Variants in PDGFB observed in about 807,000 individuals in gnomAD.
PDGFB encodes platelet derived growth factor subunit B.
Under a neutral mutation model 29.0 loss-of-function variants are expected in PDGFB, and 6 were observed. That is an observed-to-expected ratio of 0.21 (90% CI 0.11 to 0.41). The LOEUF is 0.41. PDGFB is among the 10% of genes least tolerant of loss of function. The probability of loss-of-function intolerance (pLI) is 1.00; values close to 1 mark genes in which losing one functional copy is unlikely to be tolerated. For synonymous variants in PDGFB, 144 were observed against 140.8 expected (o/e 1.02, Z -0.16); for missense variants, 299 against 341.8 (o/e 0.87, Z 0.99).
chr22:39,231,837 G>GA lies in PDGFB; in HGVS notation c.251-11dup. 6.2e-7 allele frequency: 1 copy of GA among 1,610,550 alleles called. No homozygotes were observed. The highest frequency in any genetic ancestry group is 8.5e-7 in the Non-Finnish European group (1 of 1,179,212). On this transcript the variant is annotated splice_polypyrimidine_tract_variant and intron_variant, in intron 3 of 6. Transcript: ENST00000331163. This position sits in a 1 kb window ranked among gnomAD's most constrained non-coding sequence, Gnocchi z 4.3. Reference sequence around the variant, plus strand: ...GCAATGGTCAGGGAACCTGGGAGGAGACGAAACCTGGGTCAGGAGCGTAGG... The same window carrying GA: ...GCAATGGTCAGGGAACCTGGGAGGAGAACGAAACCTGGGTCAGGAGCGTAGG...
At chr22:39,236,042 G>A (rs1932435562) in intron 1 of PDGFB, among the ~76,000 whole-genome samples, 168 bp from the exon 2 acceptor site, 1 of 152,204 alleles carries the variant, frequency 6.6e-6, no homozygotes. Flanking sequence ...AAAGGCCTCG[G>A]GGCCTGGACC....
chr22:39,225,556 C>A, intron 6 of PDGFB, 139 bp downstream of exon 6: 1 of 804,780 alleles, frequency 1.2e-6, no homozygotes, highest in Non-Finnish European at 1.9e-6. Flanking sequence ...CACCCTGCCC[C>A]AGCTGATAAC....
At position 39,225,637 on chromosome 22, in the gene PDGFB, A is replaced by G; in HGVS notation, c.*28+58T>C. ...AATCCTTTCCCCTGACCCCATCCAC[A>G]GACCACAGAGAAGAAAACACAGGAT... On this transcript the variant is annotated intron_variant, in intron 6 of 6. Transcript: ENST00000331163. 8 of 1,489,914 alleles carry G rather than the reference A, an allele frequency of 5.4e-6. No individual in the cohort carries two copies. In the South Asian group the frequency reaches 8.4e-5, roughly 16 times the overall value. The allele number at this position is 1,489,914 out of a possible 1,614,324, so 92.3% of individuals were successfully genotyped here. A position where few individuals can be genotyped will look rare whatever the true frequency, so the allele number is the denominator to read the frequency against.
In PDGFB at chr22:39,242,693, G is replaced by A. The variant is rs1932596419; in HGVS notation, c.63+1208C>T. Reference sequence around the variant, plus strand: ...TGCGCTGGCGGCAGCCCAAGGCCGGGCCGCGGCCTCCGAGCCCTCCGCCTT... The same window carrying A: ...TGCGCTGGCGGCAGCCCAAGGCCGGACCGCGGCCTCCGAGCCCTCCGCCTT... On this transcript the variant is annotated intron_variant, in intron 1 of 6. Transcript: ENST00000331163. The surrounding 1 kb of genome is among the most constrained non-coding windows in gnomAD (Gnocchi z 5.7). Among the ~76,000 whole-genome samples, 3 of 152,018 alleles carry A rather than the reference G, an allele frequency of 2.0e-5. No individual in the cohort carries two copies. Among genetic ancestry groups the A allele is most frequent in the South Asian group, 4.1e-4 (2 of 4,834 alleles).
Position 39,244,835 on chromosome 22 carries a change from G to A in PDGFB, c.-872C>T, listed in dbSNP as rs1932657051. 1 of 189,688 alleles carries A rather than the reference G, an allele frequency of 5.3e-6. No individual in the cohort carries two copies. Among genetic ancestry groups the A allele is most frequent in the African/African-American group, 2.4e-5 (1 of 41,744 alleles). 11.8% of individuals were successfully genotyped at this position (189,688 alleles called of 1,614,324 possible). On this transcript the variant is annotated 5_prime_UTR_variant, in exon 1 of 7. Coordinates refer to ENST00000331163, the MANE Select transcript of PDGFB (RefSeq NM_002608.4). This position sits in a 1 kb window ranked among gnomAD's most constrained non-coding sequence, Gnocchi z 4.5. ...TTTTTTTTCCTTTTTGCGCGCGTAT[G>A]TATGTGTGTGCGCGCAAAGTATCTC...
Position 39,244,631 on chromosome 22 carries a change from C to T in PDGFB, c.-668G>A. ...CTGCTCCGCGCGCGCGGCGTGCCCG[C>T]TGCGCGCTCGGCTGGGCCCGGCCGA... is the stretch of plus-strand genomic sequence containing the variant. On this transcript the variant is annotated 5_prime_UTR_variant, in exon 1 of 7. Transcript: ENST00000331163. This position sits in a 1 kb window ranked among gnomAD's most constrained non-coding sequence, Gnocchi z 4.5. 2 of 155,594 alleles carry T rather than the reference C, an allele frequency of 1.3e-5. No individual in the cohort carries two copies. The highest frequency in any genetic ancestry group is 2.8e-5 in the Non-Finnish European group (2 of 70,960). 9.6% of individuals were successfully genotyped at this position (155,594 alleles called of 1,614,324 possible).
chr22:39,228,384 T>G (rs1932216059), intron 5 of PDGFB, among the ~76,000 whole-genome samples: 1 of 149,136 alleles, frequency 6.7e-6, no homozygotes, highest in Non-Finnish European at 1.5e-5. Flanking sequence ...AACCCAGGAG[T>G]TAGAGACCAG....
intron 1 of PDGFB, among the ~76,000 whole-genome samples, chr22:39,239,369 C>A (rs1192658154): frequency 6.6e-6 from 1 of 151,982 alleles, no homozygotes; most frequent in Non-Finnish European, 1.5e-5. Flanking sequence ...AGAGCCTGGG[C>A]CGTGTGGGCT....
intron 1 of PDGFB, chr22:39,240,939 A>G: frequency 9.1e-7 from 1 of 1,102,202 alleles, no homozygotes; most frequent in Non-Finnish European, 1.3e-6. Context: ...ACACACACAC[A>G]CACTCTCTCT....
intron 4 of PDGFB, among the ~76,000 whole-genome samples, chr22:39,230,891 G>A (rs999045218): frequency 2.0e-5 from 3 of 152,234 alleles, no homozygotes; most frequent in Admixed American, 6.5e-5. Context: ...GGCCTGGGGC[G>A]TGCAGGAATC....
chr22:39,244,095 T>C lies in PDGFB; in HGVS notation c.-132A>G, dbSNP rs192942415. The C allele has an allele frequency of 2.7e-3, 1,104 of 416,062 alleles. 16 individuals are homozygous for C. The highest frequency in any genetic ancestry group is 0.021 in the African/African-American group (1,008 of 47,896). 25.8% of individuals were successfully genotyped at this position (416,062 alleles called of 1,614,324 possible). On this transcript the variant is annotated 5_prime_UTR_variant, in exon 1 of 7. Coordinates refer to ENST00000331163, the MANE Select transcript of PDGFB (RefSeq NM_002608.4). This position sits in a 1 kb window ranked among gnomAD's most constrained non-coding sequence, Gnocchi z 4.5. Reference sequence around the variant, plus strand: ...CGCGGCGATCAGGCGCTCAGGCCTCTGCAGCCGCGGCTCACCCGCATGGCC... The same window carrying C: ...CGCGGCGATCAGGCGCTCAGGCCTCCGCAGCCGCGGCTCACCCGCATGGCC...
chr22:39,243,801 C>T lies in PDGFB; in HGVS notation c.63+100G>A. The T allele has an allele frequency of 1.1e-6, 1 of 946,400 alleles. No homozygotes were observed. Among genetic ancestry groups the T allele is most frequent in the East Asian group, 3.0e-5 (1 of 32,792 alleles). The allele number at this position is 946,400 out of a possible 1,614,324, so 58.6% of individuals were successfully genotyped here. On this transcript the variant is annotated intron_variant, in intron 1 of 6. Transcript: ENST00000331163. The surrounding 1 kb of genome is among the most constrained non-coding windows in gnomAD (Gnocchi z 6.4). ...CGCCCGGCGTCAGGCTCGCGGGCTG[C>T]AAGGGTCCAAAGTTCACTGCAGGGA...
In PDGFB at chr22:39,243,926, C is replaced by T. The variant is rs1273654381; in HGVS notation, c.38G>A (p.Cys13Tyr). ...RCWALFLSLCCYLRLVSAEGD... is the reference protein window; with the variant it reads ...RCWALFLSLCYYLRLVSAEGD... ...CTCGGCGCTGACCAGACGCAGGTAG[C>T]AGCAGAGAGACAGGAAGAGCGCCCA... is the stretch of plus-strand genomic sequence containing the variant. The change falls in exon 1 of 7, where the codon TGC (cysteine) becomes TAC (tyrosine). Residue 13 changes from cysteine to tyrosine, a missense_variant. Physicochemically the swap from Cys to Tyr is radical, Grantham distance 194 (BLOSUM62 -2). Coordinates refer to ENST00000331163, the MANE Select transcript of PDGFB (RefSeq NM_002608.4). The surrounding 1 kb of genome is among the most constrained non-coding windows in gnomAD (Gnocchi z 6.4). 33 of 1,607,710 alleles carry T rather than the reference C, an allele frequency of 2.1e-5. No homozygotes were observed. The highest frequency in any genetic ancestry group is 2.2e-5 in the Non-Finnish European group (26 of 1,177,556).
chr22:39,230,332 C>G lies in PDGFB; in HGVS notation c.457-104G>C, dbSNP rs928703060. 1.4e-5 allele frequency: 17 copies of G among 1,205,990 alleles called. No individual in the cohort carries two copies. In the African/African-American group the frequency reaches 2.4e-4, roughly 17 times the overall value. The allele number at this position is 1,205,990 out of a possible 1,614,324, so 74.7% of individuals were successfully genotyped here. On this transcript the variant is annotated intron_variant, in intron 4 of 6. Coordinates refer to ENST00000331163, the MANE Select transcript of PDGFB (RefSeq NM_002608.4). ...CCACCCCGGTGTCCCCTGCAGCAATCTTTCCTCGAAAGCCCGGAGAGCAGG... is the reference window on the plus strand; with the variant it reads ...CCACCCCGGTGTCCCCTGCAGCAATGTTTCCTCGAAAGCCCGGAGAGCAGG...
chr22:39,242,042 G>A lies in PDGFB; in HGVS notation c.63+1859C>T, dbSNP rs1049984816. ...GAGGGCCCACCTGTTGCGCGGGGGCGAGCACCAGGCGCTGGGTGCACGGGG... is the reference window on the plus strand; with the variant it reads ...GAGGGCCCACCTGTTGCGCGGGGGCAAGCACCAGGCGCTGGGTGCACGGGG... On this transcript the variant is annotated intron_variant, in intron 1 of 6. Coordinates refer to ENST00000331163, the MANE Select transcript of PDGFB (RefSeq NM_002608.4). The surrounding 1 kb of genome is among the most constrained non-coding windows in gnomAD (Gnocchi z 5.7). The A allele has an allele frequency of 8.6e-6, 2 of 231,422 alleles. No individual in the cohort carries two copies. The highest frequency in any genetic ancestry group is 5.6e-5 in the Admixed American group (1 of 17,704). 14.3% of individuals were successfully genotyped at this position (231,422 alleles called of 1,614,324 possible).
rs1365643248 is a variant in PDGFB, at chr22:39,224,180, C to T, written c.*1162G>A. 1 of 152,250 alleles carries T rather than the reference C, an allele frequency of 6.6e-6. No homozygotes were observed. The allele number at this position is 152,250 out of a possible 1,614,324, so 9.4% of individuals were successfully genotyped here. ...CCTCCTATTTGGCCACTCCAAGCCA[C>T]AGGCTGCATCAGGGGCACAGCCAGT... On this transcript the variant is annotated 3_prime_UTR_variant, in exon 7 of 7. Transcript: ENST00000331163.
chr22:39,226,833 G>GCA (rs1419180003), intron 5 of PDGFB, among the ~76,000 whole-genome samples: 51 of 152,312 alleles, frequency 3.3e-4, no homozygotes, highest in Non-Finnish European at 5.9e-4. Context: ...TCTGAGAAAT[G>GCA]GTAGAGTGGG....
intron 5 of PDGFB, among the ~76,000 whole-genome samples, chr22:39,228,308 C>T (rs2146433488): frequency 6.6e-6 from 1 of 152,338 alleles, no homozygotes; most frequent in East Asian, 1.9e-4. Flanking sequence ...ATAAAGAAGG[C>T]CAGGCGTGGT....
intron 5 of PDGFB, among the ~76,000 whole-genome samples, chr22:39,226,519 C>T (rs546310653): frequency 1.3e-5 from 2 of 152,306 alleles, no homozygotes; most frequent in East Asian, 1.9e-4. Context: ...GCCCAGGCCA[C>T]CAGCTGACTG....
Sources: gnomAD v4.1 joint callset for allele counts (sites outside exome capture counted in the v4.1 genomes callset) on GRCh38, gnomAD v4.1.1 for gene constraint, Gnocchi (gnomAD v3.1) non-coding constraint, MANE v1.5 for transcripts, NCBI Gene and HGNC (gene_info 2026-07-23, HGNC 2026-07-21) for gene names.